Variants in RIF1 observed in about 807,000 individuals in gnomAD.
RIF1 encodes the protein telomere-associated protein RIF1.
In RIF1, 45 loss-of-function variants were observed where a neutral mutation model predicts 247.1. The observed-to-expected ratio is 0.18, with a 90% CI of 0.14 to 0.23. The LOEUF (loss-of-function observed/expected upper bound fraction) is 0.23, where lower values mean the gene tolerates loss of function less well. Among genes scored for constraint, RIF1 ranks in the 10% least tolerant of loss-of-function variants. The probability of loss-of-function intolerance (pLI) is 1.00; values close to 1 mark genes in which losing one functional copy is unlikely to be tolerated. For missense variants in RIF1, 2,967 were observed against 2,862.5 expected (o/e 1.04, Z -0.83); for synonymous variants, 1,087 against 978.8 (o/e 1.11, Z -2.06).
intron 20 of RIF1, among the ~76,000 whole-genome samples, chr2:151,447,939 A>G (rs1693608539): frequency 6.6e-6 from 1 of 152,150 alleles, no homozygotes; most frequent in Non-Finnish European, 1.5e-5. Flanking sequence ...TTGTTTTTCC[A>G]TGCAGATTAT....
At position 151,414,507 on chromosome 2, in the gene RIF1, A is replaced by G. The variant is rs187302264; in HGVS notation, c.184-316A>G. 2.5e-3 allele frequency among the ~76,000 whole-genome samples: 380 copies of G among 152,300 alleles called. 1 individual carries two copies. The highest frequency in any genetic ancestry group is 8.5e-3 in the African/African-American group (353 of 41,554). On this transcript the variant is annotated intron_variant, in intron 3 of 35. Transcript: ENST00000444746. Reference sequence around the variant, plus strand: ...TTGAGTCTCTTGTTTACTCAGTGGAAGGGCCTTGCTCCCTTTTCCCTGTCA... The same window carrying G: ...TTGAGTCTCTTGTTTACTCAGTGGAGGGGCCTTGCTCCCTTTTCCCTGTCA...
chr2:151,467,223 CAAAAA>C (rs1697062778), intron 30 of RIF1, among the ~76,000 whole-genome samples: 2 of 150,456 alleles, frequency 1.3e-5, no homozygotes, highest in Non-Finnish European at 3.0e-5. Context: ...GCGAGACTCT[CAAAAA>C]AAGAAAAAAA....
intron 10 of RIF1, chr2:151,496,366 C>T (rs754636584): frequency 5.6e-6 from 9 of 1,606,570 alleles, no homozygotes; most frequent in Non-Finnish European, 7.7e-6. Context: ...CTTTGTATAA[C>T]ACCTGTGCGA....
chr2:151,422,184 T>G (rs1688302072), intron 7 of RIF1, among the ~76,000 whole-genome samples: 1 of 152,184 alleles, frequency 6.6e-6, no homozygotes, highest in African/African-American at 2.4e-5. Flanking sequence ...ATATATGAAA[T>G]TCTTTATATA....
At position 151,474,912 on chromosome 2, in the gene RIF1, G is replaced by A; in HGVS notation, c.7260G>A (p.Gln2420=). The change falls in exon 36 of 36, where the codon CAG becomes CAA. Residue 2420 remains glutamine (Q), a synonymous_variant. Transcript: ENST00000444746. ...CATTATCCAAAAACCTTCTGGCACA[G>A]ATTAGTGCTCTTGCTCTTCAGCTGG... ...EIPLSKNLLA[Q]ISALALQLDS... 10 of 1,607,226 alleles carry A rather than the reference G, an allele frequency of 6.2e-6. No homozygotes were observed. The highest frequency in any genetic ancestry group is 8.5e-6 in the Non-Finnish European group (10 of 1,173,970).
At position 151,494,221 on chromosome 2, in the gene RIF1, G is replaced by T. The variant is rs748978197; in HGVS notation, c.*416-1008G>T. The T allele has an allele frequency of 1.9e-6, 3 of 1,605,352 alleles. No homozygotes were observed. The African/African-American group carries it at 4.0e-5, about 21-fold the overall frequency. On this transcript the variant is annotated intron_variant and NMD_transcript_variant, in intron 9 of 13. Coordinates refer to the RIF1 transcript ENST00000454583. The stretch of plus-strand genomic sequence containing the variant: ...GCATCTCAGGAGTGACAGGGGTTGC[G>T]GTGGCTTTCCCCACATTTTCTTTGT...
At chr2:151,461,725 T>G (rs1696202684) in intron 27 of RIF1, among the ~76,000 whole-genome samples, 1 of 152,126 alleles carries the variant, frequency 6.6e-6, no homozygotes, top group African/African-American at 2.4e-5. Context: ...AAAGTTATAC[T>G]TTACATAAAT....
rs563344639 is a variant in RIF1 at position 151,442,164 on chromosome 2, C to T, written c.1734+173C>T. 2.6e-5 allele frequency among the ~76,000 whole-genome samples: 4 copies of T among 151,716 alleles called. No individual in the cohort carries two copies. The East Asian group carries it at 7.7e-4, about 29-fold the overall frequency. On this transcript the variant is annotated intron_variant, in intron 16 of 35. Transcript: ENST00000444746. ...GATCTCGGCTCACTGCAACCTCCGC[C>T]TCCCAGGTTCAAGCTATTCTCCTGC...
In RIF1 at chr2:151,465,821, A is replaced by G; in HGVS notation, c.6301A>G (p.Asn2101Asp). The change falls in exon 30 of 36, where the codon AAT (asparagine) becomes GAT (aspartate). Residue 2101 changes from asparagine to aspartate, a missense_variant. By Grantham distance (23) the Asn-to-Asp change is conservative (BLOSUM62 1). Around this residue, in one of 7 missense-constraint regions of RIF1, gnomAD observed 2,028 missense variants for 1,825.6 expected, o/e 1.11. Coordinates refer to ENST00000444746, the MANE Select transcript of RIF1 (RefSeq NM_018151.5). ...YSKSEEKLDNNQMVMESDILQ... is the reference protein window; with the variant it reads ...YSKSEEKLDNDQMVMESDILQ... ...TAAATCTGAAGAAAAATTAGATAAC[A>G]ATCAAATGGTAATGGAAAGTGATAT... 1 of 1,613,048 alleles carries G rather than the reference A, an allele frequency of 6.2e-7. No individual in the cohort carries two copies. The highest frequency in any genetic ancestry group is 8.5e-7 in the Non-Finnish European group (1 of 1,179,004).
downstream of RIF1, chr2:151,512,671 G>A: frequency 8.5e-7 from 1 of 1,176,710 alleles, no homozygotes; most frequent in East Asian, 2.4e-5. Context: ...ATTTATTAAT[G>A]GAAGGACTTC....
rs1196784538 is a variant in RIF1 at position 151,463,213 on chromosome 2, A to G, written c.3693A>G (p.Glu1231=). The change falls in exon 30 of 36, where the codon GAA becomes GAG. Residue 1231 remains glutamate (E), a synonymous_variant. Coordinates refer to ENST00000444746, the MANE Select transcript of RIF1 (RefSeq NM_018151.5). ...CTTTGGAGAAGTTTGATGGTTCAGA[A>G]AATAGACCTTTTAGTCCATCCCCCT... The part of the protein sequence containing the change: ...FITLEKFDGS[E]NRPFSPSPLN... 1 of 1,614,162 alleles carries G rather than the reference A, an allele frequency of 6.2e-7. No individual in the cohort carries two copies. Among genetic ancestry groups the G allele is most frequent in the Non-Finnish European group, 8.5e-7 (1 of 1,180,004 alleles).
intron 13 of RIF1, chr2:151,506,824 G>T (rs937382841): frequency 4.6e-6 from 4 of 870,544 alleles, no homozygotes; most frequent in East Asian, 2.5e-5. Flanking sequence ...TTAATTGTGT[G>T]TATCAATATA....
chr2:151,503,130 T>C (rs1309665753), exon 12 of RIF1: 13 of 593,102 alleles, frequency 2.2e-5, no homozygotes, highest in Admixed American at 3.2e-5. Flanking sequence ...TTAATTCTAC[T>C]TATAGTATTT....
Position 151,464,088 on chromosome 2 carries a change from A to C in RIF1, c.4568A>C (p.Asp1523Ala). The C allele has an allele frequency of 1.2e-6, 2 of 1,612,884 alleles. No homozygotes were observed. The highest frequency in any genetic ancestry group is 1.1e-5 in the South Asian group (1 of 90,822). The change falls in exon 30 of 36, where the codon GAT (aspartate) becomes GCT (alanine). Residue 1523 changes from aspartate (D) to alanine (A), a missense_variant. Coordinates refer to ENST00000444746, the MANE Select transcript of RIF1 (RefSeq NM_018151.5). ...SEGDGTQDIV[D>A]KSSEKLVRGR... ...GGGGATGGTACCCAGGACATTGTAGATAAGTCCTCTGAGAAACTAGTCAGA... is the reference window on the plus strand; with the variant it reads ...GGGGATGGTACCCAGGACATTGTAGCTAAGTCCTCTGAGAAACTAGTCAGA...
the RIF1 span, chr2:151,513,521 T>C: frequency 3.2e-6 from 4 of 1,246,948 alleles, no homozygotes; most frequent in South Asian, 3.9e-5. Flanking sequence ...AGGGACACTT[T>C]ATGTCCTTAA....
downstream of RIF1, among the ~76,000 whole-genome samples, chr2:151,508,724 T>C (rs2071372037): frequency 6.6e-6 from 1 of 152,162 alleles, no homozygotes; most frequent in African/African-American, 2.4e-5. Flanking sequence ...CAGACACACC[T>C]GGAGCACTAC....
intron 30 of RIF1, among the ~76,000 whole-genome samples, chr2:151,467,759 C>T (rs992539996): frequency 6.6e-5 from 10 of 151,972 alleles, no homozygotes; most frequent in African/African-American, 2.4e-4. Context: ...GTTACTGTGC[C>T]TTTTTCACAA....
chr2:151,463,487 G>A lies in RIF1; in HGVS notation c.3967G>A (p.Val1323Ile), dbSNP rs775459024. ...TGAGGAATCTGTTGAAGGCATTGTA[G>A]TCTTAGAAAATAACCCACCTGGTTT... ...NTEESVEGIVVLENNPPGLLN... is the reference protein window; with the variant it reads ...NTEESVEGIVILENNPPGLLN... The change falls in exon 30 of 36, where the codon GTC (valine) becomes ATC (isoleucine). Residue 1323 changes from valine to isoleucine, a missense_variant. Physicochemically the swap from Val to Ile is conservative, Grantham distance 29 (BLOSUM62 3). Transcript: ENST00000444746. 5.6e-6 allele frequency: 9 copies of A among 1,613,972 alleles called. No homozygotes were observed. The highest frequency in any genetic ancestry group is 7.6e-6 in the Non-Finnish European group (9 of 1,179,980).
intron 31 of RIF1, 82 bp downstream of exon 31, chr2:151,468,228 A>G (rs1036839343): frequency 2.3e-6 from 3 of 1,294,816 alleles, no homozygotes; most frequent in Middle Eastern, 2.2e-4. Flanking sequence ...AATGAACTAT[A>G]TATGTGAAAA....
Sources: allele counts gnomAD v4.1 joint callset (sites outside exome capture counted in the v4.1 genomes callset), GRCh38; gene constraint gnomAD v4.1.1; regional missense constraint gnomAD v4.1.1; transcripts MANE v1.5; gene names NCBI Gene and HGNC (gene_info 2026-07-23, HGNC 2026-07-21).